Variants in NID1 observed in about 807,000 individuals in gnomAD.
NID1 encodes the protein nidogen 1.
In NID1, 76 loss-of-function variants were observed where a neutral mutation model predicts 130.6. The observed-to-expected ratio is 0.58, with a 90% confidence interval of 0.48 to 0.70. The LOEUF (loss-of-function observed/expected upper bound fraction) is 0.70. Among genes scored for constraint, NID1 ranks in the 30% least tolerant of loss-of-function variants. The pLI is 0.00. For missense variants in NID1, 1,517 were observed against 1,664.8 expected (o/e 0.91, Z 1.54); for synonymous variants, 665 against 675.1 (o/e 0.98, Z 0.23).
At chr1:236,027,566 C>A (rs181826116) in intron 7 of NID1, among the ~76,000 whole-genome samples, 4 of 152,194 alleles carry the variant, frequency 2.6e-5, no homozygotes, top group Non-Finnish European at 5.9e-5. Flanking sequence ...CGATGGCTCA[C>A]GCCTGTAATC....
At chr1:236,029,429 C>T in intron 7 of NID1, 121 bp downstream of exon 7, 2 of 906,252 alleles carry the variant, frequency 2.2e-6, no homozygotes, top group South Asian at 1.6e-5. Context: ...GACTGTAAGG[C>T]CCGGTGTATT....
Position 236,011,903 on chromosome 1 carries a change from G to A in NID1, c.2527+18C>T, listed in dbSNP as rs1180701457. On this transcript the variant is annotated intron_variant, in intron 12 of 19. Coordinates refer to ENST00000264187, the MANE Select transcript of NID1 (RefSeq NM_002508.3). ...ACAGGGCAATGGGCTACCGACTCCA[G>A]ATGTCCCACCACCTTACCTCCGGGC... The A allele has an allele frequency of 3.1e-6, 5 of 1,613,082 alleles. No individual in the cohort carries two copies. Among genetic ancestry groups the A allele is most frequent in the East Asian group, 2.2e-5 (1 of 44,874 alleles).
At chr1:236,036,067 A>G (rs1011855036) in intron 5 of NID1, among the ~76,000 whole-genome samples, 8 of 152,206 alleles carry the variant, frequency 5.3e-5, no homozygotes, top group Admixed American at 5.2e-4. Flanking sequence ...GCCAAACACA[A>G]ACTGTTCAGC....
At position 236,042,051 on chromosome 1, in the gene NID1, G is replaced by A. The variant is rs1344118026; in HGVS notation, c.994C>T (p.Leu332Phe). Residue 332 changes from leucine to phenylalanine, a missense_variant, in exon 4 of 20, where the codon CTC becomes TTC. Leu to Phe is a conservative substitution (Grantham distance 22). Transcript: ENST00000264187. ...TCGGTAGCTGCCCGGCGCGGGGAGA[G>A]GACGCTGGGCACACTGTATGTGTCA... Reference protein sequence around the residue: ...GADTYSVPSVLSPRRAATERP... With the variant: ...GADTYSVPSVFSPRRAATERP... The A allele has an allele frequency of 6.2e-7, 1 of 1,614,170 alleles. No individual in the cohort carries two copies. The highest frequency in any genetic ancestry group is 1.7e-5 in the Admixed American group (1 of 60,026).
intron 12 of NID1, among the ~76,000 whole-genome samples, chr1:236,000,897 C>T (rs1238234925): frequency 6.6e-6 from 1 of 152,088 alleles, no homozygotes; most frequent in Admixed American, 6.6e-5. Flanking sequence ...GACATGCAAC[C>T]GTGGGAGAAC....
chr1:236,012,558 CAA>C (rs56183830), intron 11 of NID1, among the ~76,000 whole-genome samples: 165 of 98,054 alleles, frequency 1.7e-3, no homozygotes, highest in African/African-American at 6.1e-3. Flanking sequence ...AATGCCATCT[CAA>C]AAAAAAAAAA....
At chr1:236,047,308 C>A (rs562625486) in intron 2 of NID1, among the ~76,000 whole-genome samples, 1 of 152,086 alleles carries the variant, frequency 6.6e-6, no homozygotes, top group South Asian at 2.1e-4. Context: ...TAGGAACCAC[C>A]AGCCTGAAAT....
intron 12 of NID1, among the ~76,000 whole-genome samples, chr1:236,004,679 G>A (rs1162057961): frequency 6.9e-6 from 1 of 145,822 alleles, no homozygotes; most frequent in East Asian, 2.0e-4. Context: ...GGAGAATGGT[G>A]TGAACCCGGG....
Position 235,979,938 on chromosome 1 carries a change from A to T in NID1, c.3393T>A (p.Asn1131Lys). Residue 1131 changes from asparagine to lysine, a missense_variant, in exon 18 of 20, where the codon AAT becomes AAA. By Grantham distance (94) the Asn-to-Lys change is moderately conservative. Coordinates refer to ENST00000264187, the MANE Select transcript of NID1 (RefSeq NM_002508.3). The surrounding 1 kb of genome is among the most constrained non-coding windows in gnomAD (Gnocchi z 4.6). ...GACTGGGGTTCAGGCATTCCGCCCG[A>T]TTGGTGCCTGTGTGGAGTGGAAACA... ...SQLCWVDAGTNRAECLNPSQP... is the reference protein window; with the variant it reads ...SQLCWVDAGTKRAECLNPSQP... The T allele has an allele frequency of 6.2e-7, 1 of 1,613,996 alleles. No homozygotes were observed. Among genetic ancestry groups the T allele is most frequent in the East Asian group, 2.2e-5 (1 of 44,852 alleles).
In NID1 at chr1:236,009,146, G is replaced by A. The variant is rs192689763; in HGVS notation, c.2527+2775C>T. 2.8e-4 allele frequency among the ~76,000 whole-genome samples: 42 copies of A among 152,284 alleles called. No homozygotes were observed. In the South Asian group the frequency reaches 8.5e-3, roughly 31 times the overall value. ...CCTAACTCCCAAGGTGATGGCATTG[G>A]GGGTGAGGCCACCAGCAGGTGACTA... On this transcript the variant is annotated intron_variant, in intron 12 of 19. Transcript: ENST00000264187.
At chr1:236,035,233 A>G (rs1659221153) in intron 5 of NID1, among the ~76,000 whole-genome samples, 1 of 106,868 alleles carries the variant, frequency 9.4e-6, no homozygotes, top group Non-Finnish European at 1.8e-5. Context: ...TATGAGTGAG[A>G]ATATGCGGTG....
intron 1 of NID1, among the ~76,000 whole-genome samples, chr1:236,063,622 G>T (rs926303104): frequency 1.3e-5 from 2 of 151,160 alleles, no homozygotes; most frequent in African/African-American, 2.4e-5. Flanking sequence ...TTTATTTTAT[G>T]CATTTAAAAC....
intron 1 of NID1, among the ~76,000 whole-genome samples, chr1:236,059,824 G>A (rs192123293): frequency 1.3e-5 from 2 of 152,132 alleles, no homozygotes; most frequent in East Asian, 3.9e-4. Context: ...AACAGCAGCC[G>A]GGCGTGGTGG....
At position 236,017,280 on chromosome 1, in the gene NID1, C is replaced by T. The variant is rs3768081; in HGVS notation, c.2129-7G>A. 1 of 1,611,746 alleles carries T rather than the reference C, an allele frequency of 6.2e-7. No homozygotes were observed. The highest frequency in any genetic ancestry group is 8.5e-7 in the Non-Finnish European group (1 of 1,179,212). Reference sequence around the variant, plus strand: ...TCTGAACATTCATCAATATCTGCAGCAAAAATTTTTTTTTACTGCAGGCTT... The same window carrying T: ...TCTGAACATTCATCAATATCTGCAGTAAAAATTTTTTTTTACTGCAGGCTT... On this transcript the variant is annotated splice_polypyrimidine_tract_variant and splice_region_variant and intron_variant, in intron 9 of 19. Coordinates refer to ENST00000264187, the MANE Select transcript of NID1 (RefSeq NM_002508.3).
chr1:236,057,252 C>A (rs959756973), intron 1 of NID1, among the ~76,000 whole-genome samples: 1 of 151,482 alleles, frequency 6.6e-6, no homozygotes, highest in Admixed American at 6.6e-5. Flanking sequence ...GAGAGAGAAT[C>A]CATCTCAAAA....
intron 14 of NID1, 146 bp from the exon 15 acceptor site, chr1:235,985,651 T>C (rs1407326166): frequency 2.2e-6 from 2 of 917,824 alleles, no homozygotes; most frequent in African/African-American, 3.4e-5. Context: ...TATTGAGTTG[T>C]AGGAGTTGTT....
rs1423250368 is a variant in NID1, at chr1:236,024,068, A to G, written c.2128+2T>C. On this transcript the variant is annotated splice_donor_variant, in intron 9 of 19. Transcript: ENST00000264187. LOFTEE classifies it high-confidence loss of function. The stretch of plus-strand genomic sequence containing the variant: ...CCAACAAGTCAGAATCAAAGGCTGT[A>G]CCATAGCAGGTTCGCCCGTCTCCTC... 1 of 1,613,838 alleles carries G rather than the reference A, an allele frequency of 6.2e-7. No homozygotes were observed. The highest frequency in any genetic ancestry group is 1.1e-5 in the South Asian group (1 of 91,064).
intron 15 of NID1, 59 bp from the exon 16 acceptor site, chr1:235,981,841 G>T: frequency 2.0e-6 from 3 of 1,480,436 alleles, no homozygotes; most frequent in Non-Finnish European, 2.7e-6. Flanking sequence ...CTGAGATGAG[G>T]TTTTTCTGAA....
intron 1 of NID1, among the ~76,000 whole-genome samples, chr1:236,057,505 G>A (rs1659927320): frequency 1.3e-5 from 2 of 151,936 alleles, no homozygotes; most frequent in African/African-American, 2.4e-5. Flanking sequence ...TGAGGCGGGC[G>A]GATCACCTGA....
Sources: gnomAD v4.1 joint callset for allele counts (sites outside exome capture counted in the v4.1 genomes callset) on GRCh38, gnomAD v4.1.1 for gene constraint, Gnocchi (gnomAD v3.1) non-coding constraint, MANE v1.5 for transcripts, NCBI Gene and HGNC (gene_info 2026-07-23, HGNC 2026-07-21) for gene names.